Variants in CACNA2D3 observed in about 807,000 individuals in gnomAD.
The protein encoded by CACNA2D3 is calcium voltage-gated channel auxiliary subunit alpha2delta 3.
CACNA2D3 carries 60 observed loss-of-function variants against 160.6 expected under a neutral mutation model. That is an observed-to-expected ratio of 0.37 (90% confidence interval 0.30 to 0.46). The LOEUF (loss-of-function observed/expected upper bound fraction) is 0.46. Ranked by LOEUF, CACNA2D3 falls within the 20% of genes least tolerant of loss-of-function variation. The pLI, the probability that CACNA2D3 is intolerant of heterozygous loss-of-function variation, is 1.00. For synonymous variants in CACNA2D3, 558 were observed against 492.9 expected, an observed-to-expected ratio of 1.13 and a Z score of -1.75; for missense variants, 1,205 against 1,365.0, an observed-to-expected ratio of 0.88 and a Z score of 1.85.
chr3:54,147,163 T>C (rs1700047503), intron 2 of CACNA2D3, among the ~76,000 whole-genome samples: 1 of 152,254 alleles, frequency 6.6e-6, no homozygotes, highest in Admixed American at 6.5e-5. Flanking sequence ...GAATTCCCCC[T>C]GCACTGCCTG....
intron 4 of CACNA2D3, among the ~76,000 whole-genome samples, chr3:54,490,860 G>A (rs1346590062): frequency 2.0e-5 from 3 of 152,258 alleles, no homozygotes; most frequent in East Asian, 1.9e-4. Context: ...CTTGAGCCCT[G>A]CAGGTGTGAT....
At chr3:54,908,006 T>G (rs2106903775) in intron 27 of CACNA2D3, among the ~76,000 whole-genome samples, 1 of 152,354 alleles carries the variant, frequency 6.6e-6, no homozygotes, top group East Asian at 1.9e-4. Context: ...TTAGTAATGT[T>G]GATATGAGCA....
chr3:54,850,225 G>A (rs1016191561), intron 17 of CACNA2D3, among the ~76,000 whole-genome samples: 3 of 152,184 alleles, frequency 2.0e-5, no homozygotes, highest in Non-Finnish European at 2.9e-5. Flanking sequence ...GCTCAGTCCT[G>A]TGTTAGACTG....
chr3:54,284,189 G>C (rs1336319041), intron 2 of CACNA2D3, among the ~76,000 whole-genome samples: 1 of 151,946 alleles, frequency 6.6e-6, no homozygotes, highest in African/African-American at 2.4e-5. Flanking sequence ...AATGGGTGCA[G>C]CACACCAACA....
chr3:54,416,650 A>G (rs1294788388), intron 4 of CACNA2D3, among the ~76,000 whole-genome samples: 1 of 152,162 alleles, frequency 6.6e-6, no homozygotes, highest in Non-Finnish European at 1.5e-5. Context: ...ATTCAAACAC[A>G]TTTTCATATA....
intron 2 of CACNA2D3, among the ~76,000 whole-genome samples, chr3:54,188,752 A>G (rs951780832): frequency 2.0e-5 from 3 of 152,208 alleles, no homozygotes; most frequent in Non-Finnish European, 4.4e-5. Context: ...CCCTTCTCTA[A>G]TAGATCCACA....
At chr3:54,678,545 A>G (rs1410888109) in intron 11 of CACNA2D3, among the ~76,000 whole-genome samples, 4 of 151,858 alleles carry the variant, frequency 2.6e-5, no homozygotes, top group Non-Finnish European at 4.4e-5. Context: ...ATATGGTGAC[A>G]CCCCATCTCT....
At chr3:55,000,008 G>A (rs528818778) in intron 31 of CACNA2D3, among the ~76,000 whole-genome samples, 3 of 152,276 alleles carry the variant, frequency 2.0e-5, no homozygotes, top group Non-Finnish European at 4.4e-5. Context: ...TGGGCACACA[G>A]CGATGCTAAT....
chr3:54,741,835 G>A (rs930400835), intron 11 of CACNA2D3, among the ~76,000 whole-genome samples: 1 of 151,158 alleles, frequency 6.6e-6, no homozygotes, highest in African/African-American at 2.4e-5. Flanking sequence ...AGAGTTTTTG[G>A]ATATTCTCAT....
intron 2 of CACNA2D3, among the ~76,000 whole-genome samples, chr3:54,281,217 C>T (rs1702871913): frequency 6.6e-6 from 1 of 152,192 alleles, no homozygotes; most frequent in Non-Finnish European, 1.5e-5. Context: ...CGATGTTGAG[C>T]AAAACAGTAT....
At chr3:54,429,236 A>G (rs970319102) in intron 4 of CACNA2D3, among the ~76,000 whole-genome samples, 4 of 151,930 alleles carry the variant, frequency 2.6e-5, no homozygotes, top group African/African-American at 7.3e-5. Context: ...TAAAAAAGGA[A>G]TGTTAAAAGG....
chr3:55,004,954 T>A, intron 32 of CACNA2D3, 116 bp downstream of exon 32: 1 of 688,512 alleles, frequency 1.5e-6, no homozygotes, highest in Non-Finnish European at 2.4e-6. Context: ...ATCATGAACA[T>A]TTTGACTTTA....
chr3:54,932,982 G>C (rs1209391056), intron 27 of CACNA2D3, among the ~76,000 whole-genome samples: 1 of 152,092 alleles, frequency 6.6e-6, no homozygotes, highest in African/African-American at 2.4e-5. Flanking sequence ...TGACCAAACG[G>C]CACCCAGGTA....
chr3:54,289,315 A>C (rs56956828), intron 2 of CACNA2D3, among the ~76,000 whole-genome samples: 31,050 of 151,514 alleles, frequency 0.2, 3,323 homozygotes, highest in South Asian at 0.32. Context: ...CAATTGCTTC[A>C]AAGAGAATAA....
intron 2 of CACNA2D3, among the ~76,000 whole-genome samples, chr3:54,218,005 G>A (rs554760503): frequency 2.0e-5 from 3 of 151,946 alleles, no homozygotes; most frequent in African/African-American, 4.8e-5. Context: ...GGTGTTAGAG[G>A]TGTATTCGGG....
At chr3:54,587,481 C>T (rs990071158) in intron 9 of CACNA2D3, among the ~76,000 whole-genome samples, 5 of 151,842 alleles carry the variant, frequency 3.3e-5, no homozygotes, top group South Asian at 2.1e-4. Flanking sequence ...CACTTGAACC[C>T]GGGAGGCAGA....
intron 35 of CACNA2D3, among the ~76,000 whole-genome samples, chr3:55,045,234 G>A (rs1490722182): frequency 6.6e-6 from 1 of 152,134 alleles, no homozygotes; most frequent in African/African-American, 2.4e-5. Context: ...ATTTTTAGTA[G>A]AGATGGGGTT....
chr3:54,925,151 C>T lies in CACNA2D3; in HGVS notation c.2449+25283C>T, dbSNP rs749156289. On this transcript the variant is annotated intron_variant, in intron 27 of 37. Transcript: ENST00000474759. Reference sequence around the variant, plus strand: ...AATTTGTAGATGACTGACAGTAACACTTGTCCGGGCAGCTGCATACCACCT... The same window carrying T: ...AATTTGTAGATGACTGACAGTAACATTTGTCCGGGCAGCTGCATACCACCT... 9 of 1,613,976 alleles carry T rather than the reference C, an allele frequency of 5.6e-6. No individual in the cohort carries two copies. The African/African-American group carries it at 1.1e-4, about 19-fold the overall frequency.
chr3:54,894,551 G>C (rs950046220), intron 25 of CACNA2D3: 1 of 497,306 alleles, frequency 2.0e-6, no homozygotes, highest in Non-Finnish European at 4.0e-6. Context: ...TCCCCTGTGG[G>C]CATCATTAAC....
Sources: gnomAD v4.1 joint callset for allele counts (sites outside exome capture counted in the v4.1 genomes callset) on GRCh38, gnomAD v4.1.1 for gene constraint, MANE v1.5 for transcripts, NCBI Gene and HGNC (gene_info 2026-07-23, HGNC 2026-07-21) for gene names.